The following ABLIM1 variants were observed in gnomAD, a reference collection of about 807,000 sequenced individuals.
The protein encoded by ABLIM1 is actin binding LIM protein 1, also known as actin-binding LIM protein 1.
A neutral mutation model predicts 107.0 loss-of-function variants in ABLIM1; 40 were observed. That is an observed-to-expected ratio of 0.37 (90% CI 0.29 to 0.49). ABLIM1 has a LOEUF of 0.49. ABLIM1 is among the 20% of genes least tolerant of loss of function. The probability of loss-of-function intolerance (pLI) is 0.97; values close to 1 mark genes in which losing one functional copy is unlikely to be tolerated. For missense variants in ABLIM1, 857 were observed against 1,008.5 expected (o/e 0.85, Z 2.04); for synonymous variants, 357 against 357.3 (o/e 1.00, Z 0.01).
At chr10:114,732,137 A>G in intron 1 of ABLIM1, among the ~76,000 whole-genome samples, 1 of 141,734 alleles carries the variant, frequency 7.1e-6, no homozygotes, top group Non-Finnish European at 1.6e-5. Flanking sequence ...GTGTGAAGTG[A>G]TATCTTTTGG....
At chr10:114,587,505 CAT>C (rs376025071) in intron 2 of ABLIM1, among the ~76,000 whole-genome samples, 21 of 152,190 alleles carry the variant, frequency 1.4e-4, no homozygotes, top group African/African-American at 4.8e-4. Flanking sequence ...CTATAAATAA[CAT>C]ATAAAACTAC....
Position 114,707,933 on chromosome 10 carries a change from AC to A in ABLIM1, c.-213+60127del, listed in dbSNP as rs368009067. Among the ~76,000 whole-genome samples the A allele has an allele frequency of 0.027, 3,920 of 147,440 alleles. 156 individuals are homozygous for A. Among genetic ancestry groups the A allele is most frequent in the African/African-American group, 0.099 (3,690 of 37,286 alleles). On this transcript the variant is annotated intron_variant, in intron 1 of 15. Transcript: ENST00000651092. The surrounding 1 kb of genome is among the most constrained non-coding windows in gnomAD (Gnocchi z 4.1). Reference sequence around the variant, plus strand: ...AACAAACAAACAAACAACAACAACAACAAAAAACCTAATTACCAACAGTTTT... The same window carrying A: ...AACAAACAAACAAACAACAACAACAAAAAAAACCTAATTACCAACAGTTTT...
chr10:114,539,226 C>T (rs976332254), intron 6 of ABLIM1, among the ~76,000 whole-genome samples: 17 of 152,130 alleles, frequency 1.1e-4, no homozygotes, highest in African/African-American at 3.4e-4. Context: ...GGCATGGTGG[C>T]GTGCACCTGT....
chr10:114,569,977 T>G (rs2071409129), intron 4 of ABLIM1, among the ~76,000 whole-genome samples: 1 of 152,226 alleles, frequency 6.6e-6, no homozygotes, highest in South Asian at 2.1e-4. Flanking sequence ...AGTCAGAACA[T>G]TCTTCTTTTT....
At chr10:114,754,162 GTT>G (rs1459707134) in intron 1 of ABLIM1, among the ~76,000 whole-genome samples, 1 of 152,118 alleles carries the variant, frequency 6.6e-6, no homozygotes, top group Admixed American at 6.6e-5. Context: ...CTCTGGTCAG[GTT>G]TAAGAGAACA....
At chr10:114,694,711 T>C (rs78654124) in intron 1 of ABLIM1, among the ~76,000 whole-genome samples, 1,930 of 152,298 alleles carry the variant, frequency 0.013, 33 homozygotes, top group African/African-American at 0.043. Flanking sequence ...AAGTACTAAA[T>C]AGAGAGGCCA....
chr10:114,541,561 G>A (rs898198710), intron 6 of ABLIM1, among the ~76,000 whole-genome samples: 1 of 152,112 alleles, frequency 6.6e-6, no homozygotes, highest in African/African-American at 2.4e-5. Flanking sequence ...ACACGTCAGT[G>A]TGATAACCCT....
intron 12 of ABLIM1, among the ~76,000 whole-genome samples, chr10:114,459,001 A>G (rs967612849): frequency 6.6e-6 from 1 of 152,244 alleles, no homozygotes; most frequent in African/African-American, 2.4e-5. Flanking sequence ...ATGGAAAATG[A>G]ATGGGGAAGC....
chr10:114,762,647 G>C (rs1325369286), intron 1 of ABLIM1, among the ~76,000 whole-genome samples: 12 of 152,136 alleles, frequency 7.9e-5, no homozygotes, highest in Non-Finnish European at 1.5e-4. Flanking sequence ...TTACCTTTGA[G>C]GTAGCCACTG....
chr10:114,767,574 G>A (rs923874703), intron 1 of ABLIM1, among the ~76,000 whole-genome samples: 2 of 151,618 alleles, frequency 1.3e-5, no homozygotes, highest in Non-Finnish European at 2.9e-5. Context: ...GGGAGTGGAA[G>A]GGGAGATTCA....
intron 1 of ABLIM1, among the ~76,000 whole-genome samples, chr10:114,700,578 A>G (rs1158104703): frequency 2.0e-5 from 3 of 152,132 alleles, no homozygotes; most frequent in Non-Finnish European, 4.4e-5. Context: ...TAGTATTGCC[A>G]TAATGAAAGA....
At chr10:114,683,927 A>G (rs534132711) in intron 1 of ABLIM1, among the ~76,000 whole-genome samples, 8 of 152,160 alleles carry the variant, frequency 5.3e-5, no homozygotes, top group African/African-American at 1.9e-4. Context: ...TCCAAACTCA[A>G]ACAAAATGCC....
chr10:114,539,686 C>T (rs1217014465), intron 6 of ABLIM1, among the ~76,000 whole-genome samples: 5 of 152,146 alleles, frequency 3.3e-5, no homozygotes, highest in East Asian at 1.9e-4. Context: ...CTTTATGAGG[C>T]TAGCAGGTAA....
chr10:114,787,441 C>A, the ABLIM1 span, among the ~76,000 whole-genome samples: 1 of 145,438 alleles, frequency 6.9e-6, no homozygotes, highest in African/African-American at 2.6e-5. Context: ...CCGCCCCATC[C>A]GGGAGGTGAG....
intron 4 of ABLIM1, among the ~76,000 whole-genome samples, chr10:114,548,437 C>T (rs913308341): frequency 1.3e-5 from 2 of 152,094 alleles, no homozygotes; most frequent in African/African-American, 2.4e-5. Context: ...CCAGCTAACT[C>T]CTCGTTGGCT....
At chr10:114,689,253 A>T (rs1301277257), upstream of ABLIM1, among the ~76,000 whole-genome samples, 1 of 152,174 alleles carries the variant, frequency 6.6e-6, no homozygotes, top group African/African-American at 2.4e-5. Context: ...GATCCTAGGC[A>T]AATCACCTGT....
chr10:114,690,105 G>A (rs1217027227), intron 1 of ABLIM1: 5 of 1,129,590 alleles, frequency 4.4e-6, no homozygotes, highest in Non-Finnish European at 5.2e-6. Context: ...AGCTACAAAA[G>A]GAAGGGTCTG....
chr10:114,531,282 C>T (rs902750331), intron 6 of ABLIM1, among the ~76,000 whole-genome samples: 1 of 152,092 alleles, frequency 6.6e-6, no homozygotes, highest in African/African-American at 2.4e-5. Flanking sequence ...TCTTGAGGCC[C>T]GGTATGTGAG....
intron 6 of ABLIM1, among the ~76,000 whole-genome samples, chr10:114,494,764 C>T (rs529893727): frequency 6.6e-6 from 1 of 152,310 alleles, no homozygotes; most frequent in East Asian, 1.9e-4. Flanking sequence ...GCTGTTGAGA[C>T]ACTAGGGTAA....
Sources: allele counts gnomAD v4.1 joint callset (sites outside exome capture counted in the v4.1 genomes callset), GRCh38; gene constraint gnomAD v4.1.1; non-coding constraint Gnocchi (gnomAD v3.1); transcripts MANE v1.5; gene names NCBI Gene and HGNC (gene_info 2026-07-23, HGNC 2026-07-21).